The following DMTN variants were observed in gnomAD, a reference collection of about 807,000 sequenced individuals.
The protein encoded by DMTN is dematin.
Under a neutral mutation model 59.4 loss-of-function variants are expected in DMTN, and 27 were observed. The observed-to-expected ratio is 0.45, with a 90% confidence interval of 0.33 to 0.63. The LOEUF (loss-of-function observed/expected upper bound fraction) is 0.63. DMTN is among the 20% of genes least tolerant of loss of function. The probability of loss-of-function intolerance (pLI) is 0.02; values close to 1 mark genes in which losing one functional copy is unlikely to be tolerated. For synonymous variants in DMTN, 221 were observed against 203.7 expected (o/e 1.08, Z -0.72); for missense variants, 451 against 528.9 (o/e 0.85, Z 1.45).
chr8:22,072,794 G>A (rs1226297847), intron 9 of DMTN, among the ~76,000 whole-genome samples: 1 of 152,042 alleles, frequency 6.6e-6, no homozygotes, highest in Non-Finnish European at 1.5e-5. Context: ...TGTCTTTCTG[G>A]GGACAGAAGT....
At chr8:22,075,984 G>A (rs1819489499) in intron 10 of DMTN, among the ~76,000 whole-genome samples, 2 of 152,218 alleles carry the variant, frequency 1.3e-5, no homozygotes, top group East Asian at 3.9e-4. Flanking sequence ...GAATGGATTT[G>A]AGAACATATA....
upstream of DMTN, among the ~76,000 whole-genome samples, chr8:22,049,691 G>A (rs1470902783): frequency 6.6e-6 from 1 of 151,324 alleles, no homozygotes; most frequent in Non-Finnish European, 1.5e-5. Context: ...CCTCTCTTCT[G>A]AGGATGTCCC....
chr8:22,079,689 A>G (rs1822839378), intron 10 of DMTN, among the ~76,000 whole-genome samples: 1 of 151,370 alleles, frequency 6.6e-6, no homozygotes, highest in Non-Finnish European at 1.5e-5. Flanking sequence ...TGAACTCCCA[A>G]CCTCAGGTGA....
At chr8:22,080,340 G>T in intron 11 of DMTN, 72 bp from the exon 12 acceptor site, 1 of 1,613,408 alleles carries the variant, frequency 6.2e-7, no homozygotes, top group Non-Finnish European at 8.5e-7. Flanking sequence ...AGGGAGCGGG[G>T]AGACCCCCAA....
intron 10 of DMTN, among the ~76,000 whole-genome samples, chr8:22,078,913 C>T (rs911507294): frequency 7.4e-5 from 11 of 148,188 alleles, no homozygotes; most frequent in African/African-American, 2.7e-4. Context: ...TCTCCTGCCT[C>T]AGCCTCCCAA....
intron 9 of DMTN, 41 bp from the exon 10 acceptor site, chr8:22,073,689 G>C (rs73545580): frequency 0.15 from 154,543 of 1,011,470 alleles, 15,099 homozygotes; most frequent in African/African-American, 0.35. Context: ...AAACATTCAA[G>C]TGTCTAAGTC....
intron 5 of DMTN, 166 bp downstream of exon 5, chr8:22,069,226 A>G (rs1051409073): frequency 1.1e-6 from 1 of 931,290 alleles, no homozygotes; most frequent in Non-Finnish European, 1.6e-6. Flanking sequence ...TGTCGGACCC[A>G]GGACCTCAAC....
At chr8:22,064,247 C>A (rs1437703939) in intron 1 of DMTN, among the ~76,000 whole-genome samples, 1 of 152,190 alleles carries the variant, frequency 6.6e-6, no homozygotes, top group African/African-American at 2.4e-5. Flanking sequence ...TAGGCCTAAG[C>A]CAAGTGTATA....
intron 1 of DMTN, among the ~76,000 whole-genome samples, chr8:22,063,639 C>G (rs1808248070): frequency 6.6e-6 from 1 of 152,174 alleles, no homozygotes; most frequent in Admixed American, 6.5e-5. Flanking sequence ...AGTGCATCCC[C>G]ATGTCCCCAC....
At chr8:22,075,682 C>G (rs1372694543) in intron 10 of DMTN, among the ~76,000 whole-genome samples, 2 of 152,044 alleles carry the variant, frequency 1.3e-5, no homozygotes, top group African/African-American at 4.8e-5. Context: ...CCATGCCCAG[C>G]TAATTTTTGT....
chr8:22,070,433 C>T, intron 8 of DMTN, 99 bp downstream of exon 8: 1 of 1,413,376 alleles, frequency 7.1e-7, no homozygotes, highest in South Asian at 1.6e-5. Context: ...CCCACCCCTG[C>T]CCTATGGTGT....
At position 22,066,823 on chromosome 8, in the gene DMTN, T is replaced by G. The variant is rs1811003185; in HGVS notation, c.-53T>G. 2 of 1,418,486 alleles carry G rather than the reference T, an allele frequency of 1.4e-6. No individual in the cohort carries two copies. Among genetic ancestry groups the G allele is most frequent in the Admixed American group, 2.6e-5 (1 of 37,942 alleles). 87.9% of individuals were successfully genotyped at this position (1,418,486 alleles called of 1,614,324 possible). Reference sequence around the variant, plus strand: ...GCGCCGAGCCTGACACGCTGTCCTCTCCCCTCGCGCACAGGGCTCTGCGAG... The same window carrying G: ...GCGCCGAGCCTGACACGCTGTCCTCGCCCCTCGCGCACAGGGCTCTGCGAG... On this transcript the variant is annotated 5_prime_UTR_variant, in exon 2 of 16. Transcript: ENST00000358242.
At chr8:22,077,777 T>C (rs1331980687) in intron 10 of DMTN, among the ~76,000 whole-genome samples, 1 of 152,166 alleles carries the variant, frequency 6.6e-6, no homozygotes, top group Non-Finnish European at 1.5e-5. Context: ...TCTAGAATCA[T>C]GAACAGGCAT....
chr8:22,068,981 C>G lies in DMTN; in HGVS notation c.250-35C>G, dbSNP rs73545574. 2,283 of 1,609,824 alleles carry G rather than the reference C, an allele frequency of 1.4e-3. 29 individuals carry two copies. The African/African-American group carries it at 0.027, about 19-fold the overall frequency. ...TTCTAGGGAAGAGGCTGAATCTGCC[C>G]CTGTAGCTCTGACCAGCCCCCTCTC... On this transcript the variant is annotated intron_variant, in intron 4 of 15. Transcript: ENST00000358242.
upstream of DMTN, among the ~76,000 whole-genome samples, chr8:22,052,211 A>G (rs1453723481): frequency 1.3e-5 from 2 of 152,202 alleles, no homozygotes; most frequent in African/African-American, 4.8e-5. Flanking sequence ...GCTTGTCCAG[A>G]ACTGTCATGA....
chr8:22,056,410 TG>T (rs34432621), upstream of DMTN, among the ~76,000 whole-genome samples: 2 of 151,966 alleles, frequency 1.3e-5, no homozygotes, highest in Non-Finnish European at 2.9e-5. Flanking sequence ...TGTCAGATGG[TG>T]GGGTGGTCAT....
chr8:22,078,162 C>T (rs953950641), intron 10 of DMTN, among the ~76,000 whole-genome samples: 1 of 151,700 alleles, frequency 6.6e-6, no homozygotes. Flanking sequence ...GTCAGGAGCT[C>T]AAGACCAGCA....
intron 4 of DMTN, among the ~76,000 whole-genome samples, chr8:22,068,799 A>G (rs951064392): frequency 6.6e-6 from 1 of 152,136 alleles, no homozygotes. Flanking sequence ...CCCCAGGAGT[A>G]CTGAGCAAGG....
At chr8:22,069,296 C>T in intron 5 of DMTN, 123 bp from the exon 6 acceptor site, 1 of 951,742 alleles carries the variant, frequency 1.1e-6, no homozygotes. Flanking sequence ...CAACATTGCC[C>T]TGGGTTTGGA....
Sources: gnomAD v4.1 joint callset for allele counts (sites outside exome capture counted in the v4.1 genomes callset) on GRCh38, gnomAD v4.1.1 for gene constraint, MANE v1.5 for transcripts, NCBI Gene and HGNC (gene_info 2026-07-23, HGNC 2026-07-21) for gene names.